Variants in CYP3A4 observed in about 807,000 individuals in gnomAD.
The protein encoded by CYP3A4 is cytochrome P450 family 3 subfamily A member 4, also known as cytochrome P450 3A4.
In CYP3A4, 41 loss-of-function variants were observed where a neutral mutation model predicts 54.9. The ratio of observed to expected loss-of-function variants is 0.75; its 90% CI spans 0.58 to 0.97. The LOEUF (loss-of-function observed/expected upper bound fraction) is 0.97. Among genes scored for constraint, CYP3A4 ranks in the 50% least tolerant of loss-of-function variants. The pLI is 0.00. For synonymous variants in CYP3A4, 179 were observed against 205.2 expected, an observed-to-expected ratio of 0.87 and a Z score of 1.09; for missense variants, 510 against 597.3, an observed-to-expected ratio of 0.85 and a Z score of 1.52.
Position 99,774,478 on chromosome 7 carries a change from A to G in CYP3A4, c.219-1789T>C, listed in dbSNP as rs1330342043. On this transcript the variant is annotated intron_variant, in intron 3 of 12. Coordinates refer to ENST00000651514, the MANE Select transcript of CYP3A4 (RefSeq NM_017460.6). ...GCAAATCAAATCCAGCAAAACATCA[A>G]AAAGCTTATCCACCAGGATCAAGTC... Among the ~76,000 whole-genome samples the G allele has an allele frequency of 2.6e-5, 4 of 152,232 alleles. No individual in the cohort carries two copies. In the South Asian group the frequency reaches 8.3e-4, roughly 32 times the overall value.
intron 1 of CYP3A4, among the ~76,000 whole-genome samples, chr7:99,783,284 C>T (rs924153688): frequency 1.4e-4 from 22 of 152,142 alleles, no homozygotes; most frequent in African/African-American, 5.3e-4. Flanking sequence ...ATGGCAGGAT[C>T]CCACCAGTGA....
intron 3 of CYP3A4, among the ~76,000 whole-genome samples, chr7:99,774,221 G>C (rs1382592906): frequency 6.6e-6 from 1 of 152,078 alleles, no homozygotes; most frequent in Non-Finnish European, 1.5e-5. Flanking sequence ...ACCAAAAAAA[G>C]TCCAGGACCA....
chr7:99,762,917 G>A (rs144712904), intron 10 of CYP3A4, among the ~76,000 whole-genome samples: 67 of 152,282 alleles, frequency 4.4e-4, no homozygotes, highest in African/African-American at 1.5e-3. Flanking sequence ...CCCCAAAGCC[G>A]TGTCTCTTCA....
rs775064987 is a variant in CYP3A4 at position 99,783,402 on chromosome 7, G to A, written c.71+609C>T. 5.3e-5 allele frequency among the ~76,000 whole-genome samples: 8 copies of A among 151,986 alleles called. 1 individual carries two copies. The highest frequency in any genetic ancestry group is 4.1e-4 in the South Asian group (2 of 4,820). On this transcript the variant is annotated intron_variant, in intron 1 of 12. Transcript: ENST00000651514. ...CACAGCCAAGTTTGGAATGAGATCC[G>A]TCACTACTTTCCTTCCTTATCCTCC...
At chr7:99,758,338 G>A (rs1815234766) in intron 12 of CYP3A4, 110 bp from the exon 13 acceptor site, 2 of 1,281,816 alleles carry the variant, frequency 1.6e-6, no homozygotes, top group Admixed American at 3.6e-5. Flanking sequence ...ACAACAGAGT[G>A]ATATTCTGAT....
intron 8 of CYP3A4, 51 bp from the exon 9 acceptor site, chr7:99,766,494 G>T: frequency 6.2e-7 from 1 of 1,609,912 alleles, no homozygotes; most frequent in South Asian, 1.1e-5. Flanking sequence ...CCTGAAGTCA[G>T]AAGTAAATCA....
At chr7:99,780,196 A>G (rs1815884011) in intron 1 of CYP3A4, 111 bp from the exon 2 acceptor site, 1 of 1,063,028 alleles carries the variant, frequency 9.4e-7, no homozygotes, top group Non-Finnish European at 1.4e-6. Context: ...GGTAACATTA[A>G]GGCAAGAAAT....
chr7:99,761,049 T>C (rs71582002), intron 11 of CYP3A4, 68 bp from the exon 12 acceptor site: 606 of 1,551,340 alleles, frequency 3.9e-4, no homozygotes, highest in Middle Eastern at 5.2e-4. Flanking sequence ...CATGTTAGGG[T>C]TTCTTACTTA....
intron 1 of CYP3A4, among the ~76,000 whole-genome samples, chr7:99,783,458 C>A (rs886319302): frequency 3.3e-5 from 5 of 152,138 alleles, no homozygotes; most frequent in African/African-American, 1.2e-4. Flanking sequence ...AGTAGATCAT[C>A]CTCAATCAAT....
At chr7:99,778,455 G>A (rs1415085714) in intron 2 of CYP3A4, among the ~76,000 whole-genome samples, 1 of 152,194 alleles carries the variant, frequency 6.6e-6, no homozygotes, top group African/African-American at 2.4e-5. Context: ...AAGTGAATTA[G>A]CATCAGAAGA....
At position 99,766,383 on chromosome 7, in the gene CYP3A4, G is replaced by A; in HGVS notation, c.859C>T (p.His287Tyr). The change falls in exon 9 of 13, where the codon CAC becomes TAC. Residue 287 changes from histidine to tyrosine, a missense_variant. Physicochemically the swap from His to Tyr is moderately conservative, Grantham distance 83. Around this residue, in one of 2 missense-constraint regions of CYP3A4, gnomAD observed 238 missense variants for 322.5 expected, o/e 0.74. Transcript: ENST00000651514. ...TCAGAAACACTCTGGTTACCTTTGT[G>A]GGACTCAGTTTCTTTTGAATTCTGA... ...DSQNSKETES[H>Y]KALSDLELVA... is the part of the protein sequence containing the mutation. 6.2e-7 allele frequency: 1 copy of A among 1,613,646 alleles called. No homozygotes were observed. Among genetic ancestry groups the A allele is most frequent in the Non-Finnish European group, 8.5e-7 (1 of 1,179,706 alleles).
intron 10 of CYP3A4, 98 bp downstream of exon 10, chr7:99,763,757 G>C: frequency 6.9e-7 from 1 of 1,443,800 alleles, no homozygotes; most frequent in Non-Finnish European, 9.4e-7. Context: ...AAGAATCAGT[G>C]ATTATGCTTT....
chr7:99,761,368 AGGG>A (rs2151553866), intron 11 of CYP3A4, among the ~76,000 whole-genome samples: 1 of 152,302 alleles, frequency 6.6e-6, no homozygotes, highest in Non-Finnish European at 1.5e-5. Context: ...AGGAAGGAGA[AGGG>A]GAAATTGTCT....
chr7:99,782,017 G>A (rs1815938079), intron 1 of CYP3A4, among the ~76,000 whole-genome samples: 2 of 152,216 alleles, frequency 1.3e-5, no homozygotes, highest in Non-Finnish European at 2.9e-5. Flanking sequence ...GCCCAATAGT[G>A]CATTTGGATC....
At position 99,767,223 on chromosome 7, in the gene CYP3A4, A is replaced by G; in HGVS notation, c.706T>C (p.Leu236=). 1 of 1,606,696 alleles carries G rather than the reference A, an allele frequency of 6.2e-7. No homozygotes were observed. The highest frequency in any genetic ancestry group is 8.5e-7 in the Non-Finnish European group (1 of 1,177,068). ...FPFLIPILEV[L]NICVFPREVT... is the part of the protein sequence containing the mutation. ...TCTCTTGGAAACACACAGATATTTA[A>G]TACTTCAAGAATTGGGATGAGGAAT... The change falls in exon 8 of 13, where the codon TTA becomes CTA. Residue 236 remains leucine (L), a synonymous_variant. Transcript: ENST00000651514.
chr7:99,766,282 A>G, intron 9 of CYP3A4, 95 bp downstream of exon 9: 1 of 1,464,090 alleles, frequency 6.8e-7, no homozygotes, highest in East Asian at 2.3e-5. Flanking sequence ...ATGTGGCAGA[A>G]ATTCTCATCA....
intron 3 of CYP3A4, among the ~76,000 whole-genome samples, chr7:99,776,172 A>C (rs1421487131): frequency 6.6e-6 from 1 of 152,216 alleles, no homozygotes; most frequent in Admixed American, 6.5e-5. Flanking sequence ...TAGTATGGTG[A>C]TCATTAAAAA....
intron 1 of CYP3A4, 92 bp downstream of exon 1, chr7:99,783,919 T>C: frequency 2.8e-6 from 4 of 1,445,314 alleles, no homozygotes; most frequent in Non-Finnish European, 3.9e-6. Flanking sequence ...TGAACATCTT[T>C]TTTGATCTTC....
At chr7:99,766,594 A>G in intron 8 of CYP3A4, 151 bp from the exon 9 acceptor site, 2 of 910,228 alleles carry the variant, frequency 2.2e-6, no homozygotes, top group Non-Finnish European at 3.3e-6. Context: ...AGTGAAAAAC[A>G]TACCCTTCTA....
Sources: gnomAD v4.1 joint callset for allele counts (sites outside exome capture counted in the v4.1 genomes callset) on GRCh38, gnomAD v4.1.1 for gene constraint, gnomAD v4.1.1 regional missense constraint, MANE v1.5 for transcripts, NCBI Gene and HGNC (gene_info 2026-07-23, HGNC 2026-07-21) for gene names.